Variants in MAPK10 observed in about 807,000 individuals in gnomAD.
The protein encoded by MAPK10 is JNK3 alpha protein kinase.
A neutral mutation model predicts 59.3 loss-of-function variants in MAPK10; 25 were observed. That is an observed-to-expected ratio of 0.42 (90% CI 0.31 to 0.59). MAPK10 has a LOEUF of 0.59. Among genes scored for constraint, MAPK10 ranks in the 20% least tolerant of loss-of-function variants. The pLI is 0.15. For synonymous variants in MAPK10, 190 were observed against 200.5 expected (o/e 0.95, Z 0.44); for missense variants, 351 against 568.9 (o/e 0.62, Z 3.90).
At chr4:86,129,493 T>C (rs1207075065) in intron 4 of MAPK10, among the ~76,000 whole-genome samples, 1 of 152,224 alleles carries the variant, frequency 6.6e-6, no homozygotes, top group African/African-American at 2.4e-5. Context: ...TTGGTCCATA[T>C]AGTAGTCTTC....
chr4:86,542,951 C>A (rs992510436), intron 1 of MAPK10, among the ~76,000 whole-genome samples: 3 of 152,164 alleles, frequency 2.0e-5, no homozygotes, highest in African/African-American at 7.2e-5. Flanking sequence ...CATAAGAACC[C>A]AAATACCATC....
chr4:86,518,557 A>G (rs571972282), intron 1 of MAPK10, among the ~76,000 whole-genome samples: 2 of 151,144 alleles, frequency 1.3e-5, no homozygotes, highest in African/African-American at 4.8e-5. Flanking sequence ...TATCTTTTCA[A>G]AAACCAGCTT....
chr4:86,192,308 A>G (rs1230083409), intron 3 of MAPK10: 3 of 152,028 alleles, frequency 2.0e-5, no homozygotes, highest in African/African-American at 7.2e-5. Flanking sequence ...CTGGATATGA[A>G]TGTTGGCCTC....
At chr4:86,218,136 A>ATT (rs1025643912) in intron 2 of MAPK10, among the ~76,000 whole-genome samples, 5 of 152,200 alleles carry the variant, frequency 3.3e-5, no homozygotes, top group Non-Finnish European at 7.4e-5. Context: ...TCAAAAATAA[A>ATT]AGGCCAAAAT....
chr4:86,375,206 A>G (rs1416697535), intron 1 of MAPK10, among the ~76,000 whole-genome samples: 1 of 152,206 alleles, frequency 6.6e-6, no homozygotes, highest in Non-Finnish European at 1.5e-5. Context: ...ACACACACAT[A>G]TCATAGTCAG....
At chr4:86,536,666 T>G (rs1274638397) in intron 1 of MAPK10, among the ~76,000 whole-genome samples, 2 of 152,196 alleles carry the variant, frequency 1.3e-5, no homozygotes, top group African/African-American at 4.8e-5. Context: ...AAAATAGTCA[T>G]TTTTTCAACA....
chr4:86,452,516 C>A (rs529940965), intron 1 of MAPK10, among the ~76,000 whole-genome samples: 27 of 152,036 alleles, frequency 1.8e-4, no homozygotes, highest in African/African-American at 6.3e-4. Flanking sequence ...ACATACAATG[C>A]GCACGCACAC....
intron 2 of MAPK10, chr4:86,325,880 C>T (rs1281194169): frequency 6.6e-6 from 1 of 152,134 alleles, no homozygotes; most frequent in Non-Finnish European, 1.5e-5. Context: ...CATTTGTCAA[C>T]TAATTTATAC....
chr4:86,476,940 G>A (rs938635961), intron 1 of MAPK10, among the ~76,000 whole-genome samples: 11 of 152,256 alleles, frequency 7.2e-5, no homozygotes, highest in Non-Finnish European at 1.0e-4. Flanking sequence ...TCATCTGTGC[G>A]GGACCCCACT....
At chr4:86,537,317 C>T (rs1347398344) in intron 1 of MAPK10, among the ~76,000 whole-genome samples, 2 of 152,146 alleles carry the variant, frequency 1.3e-5, no homozygotes, top group African/African-American at 4.8e-5. Flanking sequence ...AGTGCAAATG[C>T]AGTGATTTCC....
chr4:86,226,274 G>C (rs2090593886), intron 2 of MAPK10, among the ~76,000 whole-genome samples: 1 of 152,124 alleles, frequency 6.6e-6, no homozygotes, highest in Non-Finnish European at 1.5e-5. Flanking sequence ...TGTCACTTGG[G>C]TATCTAAATA....
intron 13 of MAPK10, among the ~76,000 whole-genome samples, chr4:86,021,756 G>A (rs1051454778): frequency 1.3e-5 from 2 of 152,260 alleles, no homozygotes; most frequent in Non-Finnish European, 2.9e-5. Context: ...TGCCCCGCAG[G>A]AAGGCAGCTA....
chr4:86,055,028 G>C (rs2044282846), intron 11 of MAPK10, among the ~76,000 whole-genome samples: 1 of 152,138 alleles, frequency 6.6e-6, no homozygotes, highest in Admixed American at 6.6e-5. Context: ...GGAGAAAAGA[G>C]AATCATGATG....
At chr4:86,318,530 G>A (rs1220916684) in intron 2 of MAPK10, among the ~76,000 whole-genome samples, 5 of 152,106 alleles carry the variant, frequency 3.3e-5, no homozygotes, top group Non-Finnish European at 7.4e-5. Flanking sequence ...GAAGACCTAT[G>A]AGAAAGCTAA....
At chr4:86,543,534 A>T (rs759843239) in intron 1 of MAPK10, among the ~76,000 whole-genome samples, 7 of 152,216 alleles carry the variant, frequency 4.6e-5, no homozygotes, top group Non-Finnish European at 1.0e-4. Context: ...TGTGTCATAA[A>T]AATCTACTGT....
At chr4:86,154,599 G>A (rs1321183053) in intron 4 of MAPK10, among the ~76,000 whole-genome samples, 1 of 151,948 alleles carries the variant, frequency 6.6e-6, no homozygotes, top group African/African-American at 2.4e-5. Context: ...TCTACTAAAA[G>A]TCACGACAAT....
chr4:86,593,764 A>G (rs1417301117), intron 1 of MAPK10: 1 of 152,104 alleles, frequency 6.6e-6, no homozygotes, highest in Non-Finnish European at 1.5e-5. Flanking sequence ...GCCATTTCTA[A>G]GTTGCTATAT....
intron 2 of MAPK10, among the ~76,000 whole-genome samples, chr4:86,258,050 T>C (rs1583613558): frequency 6.6e-6 from 1 of 152,192 alleles, no homozygotes; most frequent in Non-Finnish European, 1.5e-5. Flanking sequence ...TGAAGATGAA[T>C]GATATGAAAA....
chr4:86,593,885 G>A (rs1763316960), intron 1 of MAPK10: 1 of 152,320 alleles, frequency 6.6e-6, no homozygotes, highest in South Asian at 2.1e-4. Context: ...AGGCAGCGAA[G>A]AGTAAGGGAG....
Sources: gnomAD v4.1 joint callset for allele counts (sites outside exome capture counted in the v4.1 genomes callset) on GRCh38, gnomAD v4.1.1 for gene constraint, MANE v1.5 for transcripts, NCBI Gene and HGNC (gene_info 2026-07-23, HGNC 2026-07-21) for gene names.